The following CSGALNACT1 variants were observed in gnomAD, a reference collection of about 807,000 sequenced individuals.
CSGALNACT1 encodes the protein chondroitin sulfate N-acetylgalactosaminyltransferase 1.
Under a neutral mutation model 51.0 loss-of-function variants are expected in CSGALNACT1, and 52 were observed. That is an observed-to-expected ratio of 1.02 (90% CI 0.82 to 1.29). CSGALNACT1 has a LOEUF of 1.29. Among genes scored for constraint, CSGALNACT1 ranks in the 50% most tolerant of loss-of-function variants. The pLI is 0.00. For missense variants in CSGALNACT1, 935 were observed against 679.2 expected (o/e 1.38, Z -4.19); for synonymous variants, 341 against 254.4 (o/e 1.34, Z -3.24).
At chr8:19,563,926 C>T (rs1244059887) in intron 3 of CSGALNACT1, among the ~76,000 whole-genome samples, 3 of 152,080 alleles carry the variant, frequency 2.0e-5, no homozygotes, top group Non-Finnish European at 2.9e-5. Context: ...CCCTCAGCCA[C>T]GCACACTCAC....
Position 19,707,632 on chromosome 8 carries a change from G to GTAAACATAATCAA in CSGALNACT1, c.-297+50217_-297+50218insTTGATTATGTTTA, listed in dbSNP as rs1554815328. Among the ~76,000 whole-genome samples, 215 of 151,818 alleles carry GTAAACATAATCAA rather than the reference G, an allele frequency of 1.4e-3. 1 individual carries two copies. Among genetic ancestry groups the GTAAACATAATCAA allele is most frequent in the African/African-American group, 5.1e-3 (210 of 41,408 alleles). ...AAATCACCCTCTACAAGAGCTACAC[G>GTAAACATAATCAA]CAATGGAAGACTAGATAAACAGTAT... On this transcript the variant is annotated intron_variant, in intron 1 of 1. Transcript: ENST00000517494.
chr8:19,677,774 G>A lies in CSGALNACT1; in HGVS notation c.-544+4699C>T, dbSNP rs73216620. ...AAGGTTGAGGAGAAAGGTAAAGCCAGAGAGTTTCTGGACTAGGGAAATAGG... is the reference window on the plus strand; with the variant it reads ...AAGGTTGAGGAGAAAGGTAAAGCCAAAGAGTTTCTGGACTAGGGAAATAGG... On this transcript the variant is annotated intron_variant, in intron 1 of 9. Transcript: ENST00000332246. 6.0e-3 allele frequency among the ~76,000 whole-genome samples: 907 copies of A among 152,332 alleles called. 4 individuals carry two copies. The highest frequency in any genetic ancestry group is 9.7e-3 in the Non-Finnish European group (657 of 68,024).
At chr8:19,432,090 G>C (rs888503212) in intron 6 of CSGALNACT1, among the ~76,000 whole-genome samples, 2 of 152,110 alleles carry the variant, frequency 1.3e-5, no homozygotes, top group African/African-American at 4.8e-5. Context: ...ATGTGGATTT[G>C]TCTAGTGTCC....
At chr8:19,558,583 T>C (rs1007229058) in intron 3 of CSGALNACT1, among the ~76,000 whole-genome samples, 12 of 152,204 alleles carry the variant, frequency 7.9e-5, no homozygotes, top group African/African-American at 2.4e-4. Flanking sequence ...TTATATCATG[T>C]GGGTTTAATC....
At chr8:19,608,498 A>G (rs2051722217) in intron 1 of CSGALNACT1, among the ~76,000 whole-genome samples, 2 of 152,214 alleles carry the variant, frequency 1.3e-5, no homozygotes, top group African/African-American at 2.4e-5. Flanking sequence ...CTTACTTTTT[A>G]TTATTCTAAT....
chr8:19,676,172 G>C (rs1181773323), intron 1 of CSGALNACT1, among the ~76,000 whole-genome samples: 2 of 150,782 alleles, frequency 1.3e-5, no homozygotes, highest in African/African-American at 4.9e-5. Context: ...TCAGGACAAT[G>C]CAAAATTACT....
At position 19,660,861 on chromosome 8, in the gene CSGALNACT1, C is replaced by T. The variant is rs542208647; in HGVS notation, c.-544+21612G>A. ...TTACATGGGTGTACATTCCCAAAACCTCCAGAATGACCTCATTCTATGGCA... is the reference window on the plus strand; with the variant it reads ...TTACATGGGTGTACATTCCCAAAACTTCCAGAATGACCTCATTCTATGGCA... On this transcript the variant is annotated intron_variant, in intron 1 of 9. Transcript: ENST00000332246. 2.6e-5 allele frequency among the ~76,000 whole-genome samples: 4 copies of T among 152,238 alleles called. No individual in the cohort carries two copies. In the South Asian group the frequency reaches 8.3e-4, roughly 32 times the overall value.
At chr8:19,561,778 G>A (rs2040779467) in intron 3 of CSGALNACT1, among the ~76,000 whole-genome samples, 1 of 152,232 alleles carries the variant, frequency 6.6e-6, no homozygotes, top group Non-Finnish European at 1.5e-5. Flanking sequence ...TACTGGCAGT[G>A]AACCAATAGT....
chr8:19,597,865 G>C lies in CSGALNACT1; in HGVS notation c.-416+3906C>G, dbSNP rs367967498. Among the ~76,000 whole-genome samples, 25 of 152,368 alleles carry C rather than the reference G, an allele frequency of 1.6e-4. No individual in the cohort carries two copies. The East Asian group carries it at 4.4e-3, about 27-fold the overall frequency. On this transcript the variant is annotated intron_variant, in intron 2 of 9. Transcript: ENST00000454498. ...GCTAAAAATGCAGAGACCATGCCTA[G>C]TTTGAGGGCCAGATGGCCAAAGGGC... is the stretch of plus-strand genomic sequence containing the variant.
intron 3 of CSGALNACT1, among the ~76,000 whole-genome samples, chr8:19,590,791 A>G (rs1486789523): frequency 1.3e-5 from 2 of 151,876 alleles, no homozygotes; most frequent in Non-Finnish European, 2.9e-5. Context: ...CTGGGATTAC[A>G]GGTGTCCACC....
intron 3 of CSGALNACT1, among the ~76,000 whole-genome samples, chr8:19,578,406 G>A (rs141715824): frequency 0.011 from 1,601 of 152,274 alleles, 18 homozygotes; most frequent in Non-Finnish European, 0.017. Flanking sequence ...CCTGCTGCCT[G>A]GAGGAAGAAG....
chr8:19,460,799 G>C (rs560495432), intron 4 of CSGALNACT1, among the ~76,000 whole-genome samples: 1 of 151,950 alleles, frequency 6.6e-6, no homozygotes, highest in African/African-American at 2.4e-5. Flanking sequence ...TGTCTTCCTC[G>C]CAAGTTCTCT....
intron 6 of CSGALNACT1, among the ~76,000 whole-genome samples, chr8:19,426,147 G>T (rs2058746294): frequency 6.6e-6 from 1 of 152,162 alleles, no homozygotes; most frequent in Non-Finnish European, 1.5e-5. Flanking sequence ...ATATCCACTG[G>T]ACGAATCAAG....
intron 1 of CSGALNACT1, among the ~76,000 whole-genome samples, chr8:19,656,596 C>G (rs2058298462): frequency 1.9e-5 from 2 of 105,506 alleles, no homozygotes; most frequent in Non-Finnish European, 4.3e-5. Flanking sequence ...ACTACGCCCC[C>G]CCCCCACACA....
At chr8:19,473,424 G>A (rs10503653) in intron 4 of CSGALNACT1, among the ~76,000 whole-genome samples, 95,817 of 151,958 alleles carry the variant, frequency 0.63, 30,922 homozygotes, top group East Asian at 0.87. Flanking sequence ...ACCATCCGCC[G>A]TCACTAACAT....
intron 1 of CSGALNACT1, among the ~76,000 whole-genome samples, chr8:19,749,242 T>G (rs2064879790): frequency 6.6e-6 from 1 of 151,986 alleles, no homozygotes; most frequent in African/African-American, 2.4e-5. Flanking sequence ...GTTTGCTTGT[T>G]CAATTCATTT....
At chr8:19,687,017 C>A (rs138451526), upstream of CSGALNACT1, among the ~76,000 whole-genome samples, 109 of 152,268 alleles carry the variant, frequency 7.2e-4, 1 homozygote, top group South Asian at 1.9e-3. Context: ...GAAACACAAG[C>A]AACAAAGATC....
chr8:19,544,617 G>T (rs17408321), intron 3 of CSGALNACT1, among the ~76,000 whole-genome samples: 1 of 152,040 alleles, frequency 6.6e-6, no homozygotes, highest in East Asian at 1.9e-4. Context: ...GAGAGGATTT[G>T]AAACTGCCTT....
chr8:19,581,580 C>A (rs1476062435), intron 3 of CSGALNACT1, among the ~76,000 whole-genome samples: 1 of 152,060 alleles, frequency 6.6e-6, no homozygotes, highest in Admixed American at 6.6e-5. Context: ...GCACTCCAGC[C>A]TGGTGACAGA....
Sources: gnomAD v4.1 joint callset for allele counts (sites outside exome capture counted in the v4.1 genomes callset) on GRCh38, gnomAD v4.1.1 for gene constraint, MANE v1.5 for transcripts, NCBI Gene and HGNC (gene_info 2026-07-23, HGNC 2026-07-21) for gene names.